The following FAM83E variants were observed in gnomAD, a reference collection of about 807,000 sequenced individuals.
FAM83E encodes scaffolding CK1 anchoring protein E, also known as protein FAM83E.
FAM83E carries 29 observed loss-of-function variants against 34.3 expected under a neutral mutation model. That is an observed-to-expected ratio of 0.85 (90% confidence interval 0.63 to 1.15). The LOEUF (loss-of-function observed/expected upper bound fraction) is 1.15, where lower values mean the gene tolerates loss of function less well. FAM83E is among the 50% of genes most tolerant of loss of function. FAM83E has a pLI of 0.00. For synonymous variants in FAM83E, 312 were observed against 311.6 expected (o/e 1.00, Z -0.01); for missense variants, 697 against 685.0 (o/e 1.02, Z -0.20).
At chr19:48,610,618 G>A (rs1182511948) in intron 4 of FAM83E, 62 bp downstream of exon 4, 1 of 1,506,124 alleles carries the variant, frequency 6.6e-7, no homozygotes, top group Non-Finnish European at 8.9e-7. Context: ...GGAAGGGTCT[G>A]CCCCCACTGC....
intron 3 of FAM83E, among the ~76,000 whole-genome samples, chr19:48,611,464 G>C (rs1601132184): frequency 6.6e-6 from 1 of 151,642 alleles, no homozygotes; most frequent in Admixed American, 6.6e-5. Context: ...CACCACGCCC[G>C]GCTTTTTTTT....
At chr19:48,610,877 G>A in intron 3 of FAM83E, 30 bp from the exon 4 acceptor site, 1 of 1,569,958 alleles carries the variant, frequency 6.4e-7, no homozygotes, top group African/African-American at 1.3e-5. Flanking sequence ...CGGTGGGCTT[G>A]TGAACGGAAG....
intron 6 of FAM83E, among the ~76,000 whole-genome samples, chr19:48,601,862 T>G (rs2147637660): frequency 7.3e-6 from 1 of 137,094 alleles, no homozygotes; most frequent in African/African-American, 2.7e-5. Context: ...AGGAGAGAGA[T>G]GGAGGCCGGA....
rs764938524 is a variant in FAM83E, at chr19:48,613,316, G to A, written c.57C>T (p.Pro19=). The A allele has an allele frequency of 5.1e-5, 82 of 1,599,252 alleles. No homozygotes were observed. The highest frequency in any genetic ancestry group is 6.5e-5 in the Non-Finnish European group (77 of 1,175,582). ...AATATAGAAAGCCGGGGCTGGCCCC[G>A]GGCACCCTGGGACCGGAGTCCACTC... The part of the protein sequence containing the change: ...LEGVDSGPRV[P]GASPGFLYSE... The change falls in exon 3 of 7, where the codon CCC becomes CCT. Residue 19 remains proline (P), a synonymous_variant. Transcript: ENST00000263266.
chr19:48,600,327 G>T lies in FAM83E; in HGVS notation c.*782C>A, dbSNP rs1486197508. ...ACACTGAGGTCTGGTGCAGGCAATGGGCTTGCCCAAGTCCTTTTTTTTGTT... is the reference window on the plus strand; with the variant it reads ...ACACTGAGGTCTGGTGCAGGCAATGTGCTTGCCCAAGTCCTTTTTTTTGTT... On this transcript the variant is annotated 3_prime_UTR_variant, in exon 7 of 7. Transcript: ENST00000263266. Among the ~76,000 whole-genome samples the T allele has an allele frequency of 6.6e-6, 1 of 152,222 alleles. No homozygotes were observed. Among genetic ancestry groups the T allele is most frequent in the Non-Finnish European group, 1.5e-5 (1 of 68,048 alleles).
chr19:48,614,883 C>A (rs1568423439), intron 1 of FAM83E, 44 bp from the exon 2 acceptor site: 3 of 753,656 alleles, frequency 4.0e-6, no homozygotes, highest in Non-Finnish European at 4.9e-6. Context: ...CACAGGAGGG[C>A]CCCCACAGGC....
Position 48,613,272 on chromosome 19 carries a change from G to A in FAM83E, c.101C>T (p.Ala34Val), listed in dbSNP as rs1212404323. ...GCCCTTGCTCAACAGAGCCTCCAGT[G>A]CCAGCCGCTGGCCCTCGGAATATAG... ...GFLYSEGQRL[A>V]LEALLSKGAE... is the part of the protein sequence containing the mutation. Residue 34 changes from alanine (A) to valine (V), a missense_variant, in exon 3 of 7, where the codon GCA (alanine) becomes GTA (valine). Physicochemically the swap from Ala to Val is moderately conservative, Grantham distance 64. Transcript: ENST00000263266. The A allele has an allele frequency of 6.2e-7, 1 of 1,609,294 alleles. No homozygotes were observed. Among genetic ancestry groups the A allele is most frequent in the African/African-American group, 1.3e-5 (1 of 75,048 alleles).
At chr19:48,609,619 C>G (rs1974003998) in intron 5 of FAM83E, among the ~76,000 whole-genome samples, 1 of 152,234 alleles carries the variant, frequency 6.6e-6, no homozygotes, top group South Asian at 2.1e-4. Flanking sequence ...CAAACCCCAC[C>G]CCCAAACTGT....
In FAM83E at chr19:48,603,743, G is replaced by GCGGCCCCGCTGCAGGCCA; in HGVS notation, c.909_926dup (p.Gly304_Arg309dup). 1 of 1,537,804 alleles carries GCGGCCCCGCTGCAGGCCA rather than the reference G, an allele frequency of 6.5e-7. No individual in the cohort carries two copies. Among genetic ancestry groups the GCGGCCCCGCTGCAGGCCA allele is most frequent in the South Asian group, 1.2e-5 (1 of 82,868 alleles). On this transcript the variant is annotated inframe_insertion, in exon 6 of 7. Coordinates refer to ENST00000263266, the MANE Select transcript of FAM83E (RefSeq NM_017708.4). ...GGCGGCGGGACACGCGGTGCGGGCT[G>GCGGCCCCGCTGCAGGCCA]CGGCCCCGCTGCAGGCCACCTATGA...
Position 48,613,098 on chromosome 19 carries a change from T to C in FAM83E, c.275A>G (p.Asp92Gly), listed in dbSNP as rs1974076470. The part of the protein sequence containing the change: ...SGMAEGATTT[D>G]VDAGSLSYWP... Reference sequence around the variant, plus strand: ...GTAGCTCAGGCTGCCCGCGTCCACATCGGTGGTGGTGGCTCCCTCTGCCAT... The same window carrying C: ...GTAGCTCAGGCTGCCCGCGTCCACACCGGTGGTGGTGGCTCCCTCTGCCAT... The change falls in exon 3 of 7, where the codon GAT becomes GGT. Residue 92 changes from aspartate to glycine, a missense_variant. Transcript: ENST00000263266. 1 of 1,610,320 alleles carries C rather than the reference T, an allele frequency of 6.2e-7. No homozygotes were observed. The highest frequency in any genetic ancestry group is 8.5e-7 in the Non-Finnish European group (1 of 1,178,952).
chr19:48,612,253 T>G (rs1196640953), intron 3 of FAM83E, among the ~76,000 whole-genome samples: 5 of 151,900 alleles, frequency 3.3e-5, no homozygotes, highest in Non-Finnish European at 7.4e-5. Context: ...TGTGGACATC[T>G]GGGCCTTCCT....
At chr19:48,607,086 T>C (rs2147643591) in intron 5 of FAM83E, 1 of 1,613,258 alleles carries the variant, frequency 6.2e-7, no homozygotes, top group African/African-American at 1.3e-5. Context: ...AGTGTCCTGG[T>C]ACCTACATGC....
Position 48,614,388 on chromosome 19 carries a change from C to T in FAM83E, c.-1016G>A. On this transcript the variant is annotated 5_prime_UTR_variant, in exon 3 of 7. Coordinates refer to ENST00000263266, the MANE Select transcript of FAM83E (RefSeq NM_017708.4). ...TCCTCTGATCTGCGGGGAGCCCTAC[C>T]CAAGCTGCCCCCAGCCTGGTTTCTG... 1.0e-6 allele frequency: 1 copy of T among 985,538 alleles called. No homozygotes were observed. The allele number at this position is 985,538 out of a possible 1,614,324, so 61.0% of individuals were successfully genotyped here. A position where few individuals can be genotyped will look rare whatever the true frequency, so the allele number is the denominator to read the frequency against.
At chr19:48,605,134 G>C (rs1278976663) in intron 5 of FAM83E, among the ~76,000 whole-genome samples, 10 of 151,824 alleles carry the variant, frequency 6.6e-5, no homozygotes, top group Admixed American at 6.6e-4. Context: ...CCTTTGGAAA[G>C]AGACGGAATT....
At position 48,603,622 on chromosome 19, in the gene FAM83E, G is replaced by T; in HGVS notation, c.1048C>A (p.Leu350Ile). Residue 350 changes from leucine to isoleucine, a missense_variant, in exon 6 of 7, where the codon CTC becomes ATC. By Grantham distance (5) the Leu-to-Ile change is conservative (BLOSUM62 2). Transcript: ENST00000263266. ...TGCACACTCCTTAGAATGTCACTGA[G>T]TGCCGGCCCCGGGGTAGCAGGGGAG... Reference protein sequence around the residue: ...RVSPATPGPALSDILRSVQRA... With the variant: ...RVSPATPGPAISDILRSVQRA... The T allele has an allele frequency of 7.0e-7, 1 of 1,425,978 alleles. No homozygotes were observed. 88.3% of individuals were successfully genotyped at this position (1,425,978 alleles called of 1,614,324 possible).
intron 5 of FAM83E, among the ~76,000 whole-genome samples, chr19:48,604,520 T>C (rs1260628467): frequency 1.7e-4 from 25 of 150,298 alleles, no homozygotes; most frequent in African/African-American, 6.1e-4. Flanking sequence ...TTAGTAGAGA[T>C]GGGGTTTCAC....
rs532162334 is a variant in FAM83E, at chr19:48,603,569, C to G, written c.1101G>C (p.Pro367=). ...VQRARTPSGP[P]ARPSRSMWDL... ...CCCACATGGAGCGGCTGGGCCGGGCCGGGGGGCCGCTGGGGGTCCGGGCGC... is the reference window on the plus strand; with the variant it reads ...CCCACATGGAGCGGCTGGGCCGGGCGGGGGGGCCGCTGGGGGTCCGGGCGC... The change falls in exon 6 of 7, where the codon CCG becomes CCC. Residue 367 remains proline (P), a synonymous_variant. Coordinates refer to ENST00000263266, the MANE Select transcript of FAM83E (RefSeq NM_017708.4). 6 of 1,555,444 alleles carry G rather than the reference C, an allele frequency of 3.9e-6. No individual in the cohort carries two copies. The African/African-American group carries it at 8.5e-5, about 22-fold the overall frequency.
intron 3 of FAM83E, among the ~76,000 whole-genome samples, chr19:48,612,372 G>C (rs1974055816): frequency 6.6e-6 from 1 of 151,760 alleles, no homozygotes; most frequent in Non-Finnish European, 1.5e-5. Flanking sequence ...AGGGCATCCA[G>C]GTCTTGGGGG....
chr19:48,610,531 A>AC (rs1290373633), intron 4 of FAM83E, 149 bp downstream of exon 4: 2 of 929,534 alleles, frequency 2.2e-6, no homozygotes, highest in East Asian at 2.9e-5. Flanking sequence ...GCCCACCCCC[A>AC]CCTCCCCAGT....
Sources: gnomAD v4.1 joint callset for allele counts (sites outside exome capture counted in the v4.1 genomes callset) on GRCh38, gnomAD v4.1.1 for gene constraint, MANE v1.5 for transcripts, NCBI Gene and HGNC (gene_info 2026-07-23, HGNC 2026-07-21) for gene names.